The following SAMD5 variants were observed in gnomAD, a reference collection of about 807,000 sequenced individuals.
SAMD5 encodes sterile alpha motif domain-containing protein 5.
SAMD5 carries 13 observed loss-of-function variants against 11.3 expected under a neutral mutation model. That is an observed-to-expected ratio of 1.15 (90% CI 0.75 to 1.83). The LOEUF (loss-of-function observed/expected upper bound fraction) is 1.83, where lower values mean the gene tolerates loss of function less well. SAMD5 is among the 40% of genes most tolerant of loss of function. SAMD5 has a pLI of 0.00. For missense variants in SAMD5, 255 were observed against 239.1 expected (o/e 1.07, Z -0.44); for synonymous variants, 129 against 111.3 (o/e 1.16, Z -1.00).
chr6:147,673,355 A>G (rs890589826), intron 1 of SAMD5, among the ~76,000 whole-genome samples: 101 of 152,146 alleles, frequency 6.6e-4, no homozygotes, highest in African/African-American at 2.1e-3. Context: ...CTGGGACTAC[A>G]GGTGCCTGCC....
At chr6:147,522,396 T>G (rs2128440164) in intron 1 of SAMD5, among the ~76,000 whole-genome samples, 1 of 152,062 alleles carries the variant, frequency 6.6e-6, no homozygotes, top group Middle Eastern at 3.4e-3. Context: ...TTTGTAGGAG[T>G]TTTTATTGGG....
intron 1 of SAMD5, among the ~76,000 whole-genome samples, chr6:147,613,284 T>G (rs952300481): frequency 1.3e-5 from 2 of 151,694 alleles, no homozygotes; most frequent in Admixed American, 1.3e-4. Context: ...AGTCAATGGG[T>G]TTTTGTCCTG....
At chr6:147,702,474 G>T (rs1739455397) in intron 1 of SAMD5, among the ~76,000 whole-genome samples, 1 of 152,184 alleles carries the variant, frequency 6.6e-6, no homozygotes, top group African/African-American at 2.4e-5. Context: ...TTACAGAGGA[G>T]AAACACTAGA....
chr6:147,908,537 C>T, the SAMD5 span, among the ~76,000 whole-genome samples: 1 of 152,178 alleles, frequency 6.6e-6, no homozygotes, highest in African/African-American at 2.4e-5. Context: ...GATTCATTGT[C>T]CATTAAGTGA....
chr6:147,595,333 C>T (rs1003429336), intron 1 of SAMD5, among the ~76,000 whole-genome samples: 1 of 152,056 alleles, frequency 6.6e-6, no homozygotes, highest in African/African-American at 2.4e-5. Context: ...TATGAGAGTA[C>T]TCTTATTTAC....
intron 1 of SAMD5, among the ~76,000 whole-genome samples, chr6:147,635,300 G>A (rs1296233694): frequency 6.6e-6 from 1 of 152,050 alleles, no homozygotes; most frequent in Non-Finnish European, 1.5e-5. Context: ...ATGAAAAATA[G>A]CCATTTCCTG....
the SAMD5 span, among the ~76,000 whole-genome samples, chr6:147,749,403 C>T: frequency 2.6e-5 from 4 of 152,224 alleles, no homozygotes; most frequent in South Asian, 2.1e-4. Flanking sequence ...CTCCTGACCT[C>T]GTGGTCCACC....
the SAMD5 span, among the ~76,000 whole-genome samples, chr6:147,873,332 G>A: frequency 1.2e-4 from 18 of 151,026 alleles, no homozygotes; most frequent in Non-Finnish European, 2.5e-4. Flanking sequence ...AGCCAAGATC[G>A]CGCCACTGCA....
chr6:147,908,761 G>T, the SAMD5 span, among the ~76,000 whole-genome samples: 1 of 152,206 alleles, frequency 6.6e-6, no homozygotes, highest in African/African-American at 2.4e-5. Context: ...TTATTGAAGG[G>T]ATCTTGGGAT....
intron 1 of SAMD5, among the ~76,000 whole-genome samples, chr6:147,728,348 G>A (rs1210616907): frequency 2.0e-5 from 3 of 152,150 alleles, no homozygotes; most frequent in African/African-American, 7.2e-5. Context: ...AGCCTAGTAG[G>A]TGGAGGTTTC....
chr6:147,756,674 G>C, the SAMD5 span, among the ~76,000 whole-genome samples: 1 of 152,194 alleles, frequency 6.6e-6, no homozygotes, highest in African/African-American at 2.4e-5. Context: ...AGGCGAGACT[G>C]AATTGACATT....
the SAMD5 span, among the ~76,000 whole-genome samples, chr6:147,862,686 T>C: frequency 6.6e-6 from 1 of 152,228 alleles, no homozygotes; most frequent in Admixed American, 6.5e-5. Flanking sequence ...TTTTATGTTA[T>C]CAAATAGAGC....
chr6:147,870,731 C>A, the SAMD5 span, among the ~76,000 whole-genome samples: 1 of 140,886 alleles, frequency 7.1e-6, no homozygotes, highest in Non-Finnish European at 1.5e-5. Flanking sequence ...GAGAGGAAAT[C>A]TGGAGGCGAG....
chr6:147,879,081 C>G, the SAMD5 span, among the ~76,000 whole-genome samples: 1 of 152,216 alleles, frequency 6.6e-6, no homozygotes, highest in South Asian at 2.1e-4. Flanking sequence ...GATGAAAACA[C>G]TTTCCTGTAA....
chr6:147,660,691 TC>T, intron 1 of SAMD5: 1 of 152,364 alleles, frequency 6.6e-6, no homozygotes, highest in Non-Finnish European at 1.5e-5. Flanking sequence ...GTGTGGCTCC[TC>T]CCCCGCCCTT....
At chr6:147,525,151 TA>T (rs1002235656) in intron 1 of SAMD5, among the ~76,000 whole-genome samples, 6 of 149,748 alleles carry the variant, frequency 4.0e-5, no homozygotes, top group East Asian at 2.0e-4. Flanking sequence ...GATTTTTATT[TA>T]AAAAAAAAGA....
At chr6:147,557,323 A>C (rs548582661) in intron 1 of SAMD5, among the ~76,000 whole-genome samples, 1 of 152,314 alleles carries the variant, frequency 6.6e-6, no homozygotes, top group Non-Finnish European at 1.5e-5. Flanking sequence ...AAAGGAGCCT[A>C]TGTTTTCTAG....
At chr6:147,652,539 A>C (rs1021884998) in intron 1 of SAMD5, among the ~76,000 whole-genome samples, 1 of 152,146 alleles carries the variant, frequency 6.6e-6, no homozygotes, top group Non-Finnish European at 1.5e-5. Flanking sequence ...TGGTCTAGAC[A>C]TGTGAGACAC....
intron 1 of SAMD5, among the ~76,000 whole-genome samples, chr6:147,727,162 C>T (rs2128459720): frequency 6.6e-6 from 1 of 152,310 alleles, no homozygotes; most frequent in Middle Eastern, 3.4e-3. Flanking sequence ...TGCCCTTACA[C>T]ATACTGTGTT....
Sources: gnomAD v4.1 joint callset for allele counts (sites outside exome capture counted in the v4.1 genomes callset) on GRCh38, gnomAD v4.1.1 for gene constraint, MANE v1.5 for transcripts, NCBI Gene and HGNC (gene_info 2026-07-23, HGNC 2026-07-21) for gene names.